Variants in NR3C2 observed in about 807,000 individuals in gnomAD.
NR3C2 encodes the protein mineralocorticoid receptor.
NR3C2 carries 15 observed loss-of-function variants against 86.4 expected under a neutral mutation model. That is an observed-to-expected ratio of 0.17 (90% CI 0.12 to 0.27). NR3C2 has a LOEUF of 0.27. Among genes scored for constraint, NR3C2 ranks in the 10% least tolerant of loss-of-function variants. The pLI is 1.00. For synonymous variants in NR3C2, 458 were observed against 450.5 expected, an observed-to-expected ratio of 1.02 and a Z score of -0.21; for missense variants, 960 against 1,195.6, an observed-to-expected ratio of 0.80 and a Z score of 2.91.
At chr4:148,345,824 T>C (rs1276812532) in intron 2 of NR3C2, among the ~76,000 whole-genome samples, 1 of 152,096 alleles carries the variant, frequency 6.6e-6, no homozygotes, top group Non-Finnish European at 1.5e-5. Flanking sequence ...TACTACACAC[T>C]ACACATATGG....
chr4:148,209,417 C>T (rs1490137025), intron 3 of NR3C2, among the ~76,000 whole-genome samples: 1 of 152,026 alleles, frequency 6.6e-6, no homozygotes, highest in East Asian at 1.9e-4. Flanking sequence ...GTAGCTAGAA[C>T]TGCAGGTACA....
rs1016440477 is a variant in NR3C2, at chr4:148,081,192, G to A, written c.*152C>T. 27 of 1,115,548 alleles carry A rather than the reference G, an allele frequency of 2.4e-5. No homozygotes were observed. The highest frequency in any genetic ancestry group is 2.0e-4 in the African/African-American group (13 of 64,498). 69.1% of individuals were successfully genotyped at this position (1,115,548 alleles called of 1,614,324 possible). ...AAATCCACGGAAAAACAGCTTTCCC[G>A]GCTCCAAACCTCTGACATGACTTTA... On this transcript the variant is annotated 3_prime_UTR_variant, in exon 9 of 9. Transcript: ENST00000358102.
At chr4:148,090,982 G>A (rs981814587) in intron 8 of NR3C2, among the ~76,000 whole-genome samples, 3 of 152,266 alleles carry the variant, frequency 2.0e-5, no homozygotes, top group African/African-American at 4.8e-5. Context: ...GATGTCACCA[G>A]TGGATGGGGG....
intron 2 of NR3C2, among the ~76,000 whole-genome samples, chr4:148,423,263 T>C (rs959613265): frequency 6.6e-6 from 1 of 152,146 alleles, no homozygotes; most frequent in Non-Finnish European, 1.5e-5. Flanking sequence ...ATATTAACAG[T>C]GCCCAAAACT....
chr4:148,384,407 T>C (rs1036350771), intron 2 of NR3C2, among the ~76,000 whole-genome samples: 2 of 152,172 alleles, frequency 1.3e-5, no homozygotes, highest in African/African-American at 4.8e-5. Flanking sequence ...GTATTACTGC[T>C]TTATTTTTTC....
intron 8 of NR3C2, 110 bp from the exon 9 acceptor site, chr4:148,081,609 C>A: frequency 6.9e-7 from 1 of 1,454,702 alleles, no homozygotes. Context: ...GAAAGCCTCC[C>A]AGGAGACCAT....
intron 3 of NR3C2, among the ~76,000 whole-genome samples, chr4:148,205,888 G>T (rs1269898658): frequency 1.3e-5 from 2 of 152,110 alleles, no homozygotes; most frequent in Non-Finnish European, 2.9e-5. Context: ...AAAAAAAAAT[G>T]TTGTCAGAAG....
intron 3 of NR3C2, among the ~76,000 whole-genome samples, chr4:148,234,320 CAG>C (rs1181104909): frequency 6.6e-6 from 1 of 152,072 alleles, no homozygotes; most frequent in Non-Finnish European, 1.5e-5. Flanking sequence ...GGCAGAATCA[CAG>C]AGTGATTGCC....
At chr4:148,235,982 G>T (rs533658983) in intron 3 of NR3C2, among the ~76,000 whole-genome samples, 1 of 152,052 alleles carries the variant, frequency 6.6e-6, no homozygotes, top group Non-Finnish European at 1.5e-5. Flanking sequence ...CTTGGCAGAC[G>T]GCCACTGCCA....
chr4:148,420,749 A>G (rs1018186037), intron 2 of NR3C2, among the ~76,000 whole-genome samples: 1 of 152,204 alleles, frequency 6.6e-6, no homozygotes, highest in Admixed American at 6.5e-5. Flanking sequence ...TGAATGGTTT[A>G]GCACCATTCC....
At chr4:148,105,327 A>G (rs548991313) in intron 8 of NR3C2, among the ~76,000 whole-genome samples, 68 of 152,350 alleles carry the variant, frequency 4.5e-4, no homozygotes, top group Admixed American at 9.2e-4. Context: ...CCTTCTCAAG[A>G]CTATATTGAA....
intron 4 of NR3C2, among the ~76,000 whole-genome samples, chr4:148,156,060 T>C (rs1734371082): frequency 6.6e-6 from 1 of 152,120 alleles, no homozygotes; most frequent in Admixed American, 6.5e-5. Context: ...GCTAGCCATA[T>C]GTAGAAAGCT....
At chr4:148,265,657 C>T (rs550079210) in intron 2 of NR3C2, among the ~76,000 whole-genome samples, 12 of 152,302 alleles carry the variant, frequency 7.9e-5, no homozygotes, top group African/African-American at 2.9e-4. Context: ...ATAAAAGCTT[C>T]TACCACCACC....
chr4:148,373,648 G>A (rs562804224), intron 2 of NR3C2, among the ~76,000 whole-genome samples: 1 of 151,528 alleles, frequency 6.6e-6, no homozygotes, highest in African/African-American at 2.4e-5. Context: ...CTAATTTTTT[G>A]TATTTTTTTA....
chr4:148,377,517 G>A (rs1178708125), intron 2 of NR3C2, among the ~76,000 whole-genome samples: 1 of 152,204 alleles, frequency 6.6e-6, no homozygotes, highest in Non-Finnish European at 1.5e-5. Flanking sequence ...ATGTGAAAGA[G>A]AAAAGGTAAG....
chr4:148,184,426 T>G (rs1735793570), intron 4 of NR3C2, among the ~76,000 whole-genome samples: 1 of 151,602 alleles, frequency 6.6e-6, no homozygotes, highest in Admixed American at 6.6e-5. Flanking sequence ...CACTCCAGCC[T>G]GGGTGACAAG....
chr4:148,318,114 G>C lies in NR3C2; in HGVS notation c.1758-57997C>G, dbSNP rs575240687. On this transcript the variant is annotated intron_variant, in intron 2 of 8. Coordinates refer to ENST00000358102, the MANE Select transcript of NR3C2 (RefSeq NM_000901.5). ...CTGTTCAATTCCCACCTATGAGTGA[G>C]AATATGCGGTGTTTGGTTTTTTGTT... is the stretch of plus-strand genomic sequence containing the variant. 1.8e-4 allele frequency among the ~76,000 whole-genome samples: 27 copies of C among 149,306 alleles called. 1 individual carries two copies. The South Asian group carries it at 5.7e-3, about 31-fold the overall frequency.
intron 2 of NR3C2, among the ~76,000 whole-genome samples, chr4:148,268,465 C>T (rs1455308236): frequency 6.6e-6 from 1 of 152,172 alleles, no homozygotes; most frequent in Non-Finnish European, 1.5e-5. Flanking sequence ...GTACACCTTA[C>T]AACCTGAGCT....
intron 2 of NR3C2, among the ~76,000 whole-genome samples, chr4:148,422,136 G>A (rs1749312148): frequency 6.6e-6 from 1 of 151,818 alleles, no homozygotes; most frequent in South Asian, 2.1e-4. Flanking sequence ...ACTTAAGAGG[G>A]GGAAAAATGC....
Sources: gnomAD v4.1 joint callset for allele counts (sites outside exome capture counted in the v4.1 genomes callset) on GRCh38, gnomAD v4.1.1 for gene constraint, MANE v1.5 for transcripts, NCBI Gene and HGNC (gene_info 2026-07-23, HGNC 2026-07-21) for gene names.